The following GLT8D1 variants were observed in gnomAD, a reference collection of about 807,000 sequenced individuals.
GLT8D1 encodes glycosyltransferase 8 domain containing 1, also known as glycosyltransferase 8 domain-containing protein 1.
GLT8D1 carries 41 observed loss-of-function variants against 46.2 expected under a neutral mutation model. The ratio of observed to expected loss-of-function variants is 0.89; its 90% CI spans 0.69 to 1.15. GLT8D1 has a LOEUF of 1.15. Ranked by LOEUF, GLT8D1 falls within the 50% of genes most tolerant of loss-of-function variation. The pLI, the probability that GLT8D1 is intolerant of heterozygous loss-of-function variation, is 0.00. For synonymous variants in GLT8D1, 150 were observed against 154.2 expected (o/e 0.97, Z 0.20); for missense variants, 408 against 449.3 (o/e 0.91, Z 0.83).
intron 3 of GLT8D1, among the ~76,000 whole-genome samples, chr3:52,700,007 G>C (rs1168852428): frequency 1.3e-5 from 2 of 152,218 alleles, no homozygotes; most frequent in African/African-American, 4.8e-5. Context: ...CTAGTGACTA[G>C]AGCAGGCATC....
At chr3:52,702,552 A>C (rs1178822678) in intron 1 of GLT8D1, among the ~76,000 whole-genome samples, 5 of 152,000 alleles carry the variant, frequency 3.3e-5, no homozygotes, top group Non-Finnish European at 7.4e-5. Context: ...TCTCAAAAAA[A>C]TAAAAAATAA....
chr3:52,698,048 C>A, intron 3 of GLT8D1, 114 bp from the exon 4 acceptor site: 3 of 692,528 alleles, frequency 4.3e-6, no homozygotes, highest in Non-Finnish European at 7.8e-6. Context: ...TCATTCTCCC[C>A]CATTAAACTG....
In GLT8D1 at chr3:52,695,833, G is replaced by C. The variant is rs889152051; in HGVS notation, c.645+95C>G. On this transcript the variant is annotated intron_variant, in intron 7 of 9. Transcript: ENST00000266014. ...CTTGAGTTTTGGGATGAAATGATTG[G>C]GGAGTGTAAATTGCAGCAAAAGAGT... The C allele has an allele frequency of 4.1e-6, 3 of 735,968 alleles. No homozygotes were observed. In the African/African-American group the frequency reaches 5.2e-5, roughly 13 times the overall value. The allele number at this position is 735,968 out of a possible 1,614,324, so 45.6% of individuals were successfully genotyped here. A position where few individuals can be genotyped will look rare whatever the true frequency, so the allele number is the denominator to read the frequency against.
chr3:52,697,562 A>T, intron 4 of GLT8D1, 159 bp downstream of exon 4: 1 of 639,968 alleles, frequency 1.6e-6, no homozygotes, highest in Non-Finnish European at 2.8e-6. Context: ...TATGCTCATA[A>T]TACAGTCCTA....
Position 52,697,746 on chromosome 3 carries a change from G to C in GLT8D1, c.304C>G (p.Leu102Val), listed in dbSNP as rs778082400. The C allele has an allele frequency of 2.5e-6, 4 of 1,610,934 alleles. No homozygotes were observed. Among genetic ancestry groups the C allele is most frequent in the Non-Finnish European group, 2.5e-6 (3 of 1,177,056 alleles). ...CGGAGATGGTCTGCTGTATTGTTGA[G>C]AGTAACAATGTAGAAAATCACATTG... ...RSNVIFYIVTLNNTADHLRSW... is the reference protein window; with the variant it reads ...RSNVIFYIVTVNNTADHLRSW... Residue 102 changes from leucine to valine, a missense_variant, in exon 4 of 10, where the codon CTC (leucine) becomes GTC (valine). Physicochemically the swap from Leu to Val is conservative, Grantham distance 32. Transcript: ENST00000266014.
At chr3:52,705,022 G>A (rs1578597537) in intron 1 of GLT8D1, 1 of 152,254 alleles carries the variant, frequency 6.6e-6, no homozygotes, top group Admixed American at 6.5e-5. Flanking sequence ...ACCCTGTCCC[G>A]GGAGTGCCTA....
At chr3:52,696,481 AC>A in intron 5 of GLT8D1, 60 bp downstream of exon 5, 1 of 1,047,994 alleles carries the variant, frequency 9.5e-7, no homozygotes, top group Non-Finnish European at 1.5e-6. Context: ...ACCCACAGAT[AC>A]CCAGGTATTC....
In GLT8D1 at chr3:52,694,811, C is replaced by G. The variant is rs779390553; in HGVS notation, c.*34G>C. 2.7e-6 allele frequency: 4 copies of G among 1,471,696 alleles called. No homozygotes were observed. In the South Asian group the frequency reaches 3.4e-5, roughly 13 times the overall value. The allele number at this position is 1,471,696 out of a possible 1,614,324, so 91.2% of individuals were successfully genotyped here. A position where few individuals can be genotyped will look rare whatever the true frequency, so the allele number is the denominator to read the frequency against. Reference sequence around the variant, plus strand: ...CACGCATGCTATCTTCCAGGACTTCCTGAGAAATGCTTGCTTACAGTTCAA... The same window carrying G: ...CACGCATGCTATCTTCCAGGACTTCGTGAGAAATGCTTGCTTACAGTTCAA... On this transcript the variant is annotated 3_prime_UTR_variant, in exon 10 of 10. Transcript: ENST00000266014.
intron 3 of GLT8D1, among the ~76,000 whole-genome samples, chr3:52,699,615 A>G (rs2097337516): frequency 6.6e-6 from 1 of 152,206 alleles, no homozygotes; most frequent in South Asian, 2.1e-4. Context: ...TTGGGATTAC[A>G]GGCATGAGCC....
At chr3:52,703,825 A>C (rs1048793521) in intron 1 of GLT8D1, 2 of 152,248 alleles carry the variant, frequency 1.3e-5, no homozygotes, top group Non-Finnish European at 2.9e-5. Context: ...ATCATGGAGT[A>C]CGTCTAATCC....
intron 3 of GLT8D1, among the ~76,000 whole-genome samples, chr3:52,699,832 A>T (rs1286108691): frequency 1.3e-5 from 2 of 152,220 alleles, no homozygotes; most frequent in Non-Finnish European, 2.9e-5. Flanking sequence ...CTCAAGCCTC[A>T]AACATTTCTC....
At position 52,697,748 on chromosome 3, in the gene GLT8D1, G is replaced by T. The variant is rs2097335293; in HGVS notation, c.302C>A (p.Thr101Asn). Reference protein sequence around the residue: ...TRSNVIFYIVTLNNTADHLRS... With the variant: ...TRSNVIFYIVNLNNTADHLRS... ...GAGATGGTCTGCTGTATTGTTGAGA[G>T]TAACAATGTAGAAAATCACATTGGA... The change falls in exon 4 of 10, where the codon ACT (threonine) becomes AAT (asparagine). Residue 101 changes from threonine to asparagine, a missense_variant. Thr to Asn is a moderately conservative substitution (Grantham distance 65). Transcript: ENST00000266014. The T allele has an allele frequency of 6.2e-7, 1 of 1,611,660 alleles. No homozygotes were observed. The highest frequency in any genetic ancestry group is 1.7e-5 in the Admixed American group (1 of 59,990).
intron 4 of GLT8D1, 93 bp downstream of exon 4, chr3:52,697,628 C>T: frequency 1.2e-6 from 1 of 860,060 alleles, no homozygotes; most frequent in Non-Finnish European, 2.0e-6. Flanking sequence ...TTGTATAAAA[C>T]AACATACAAA....
intron 1 of GLT8D1, chr3:52,703,724 A>G (rs2097341296): frequency 1.3e-5 from 2 of 152,252 alleles, no homozygotes; most frequent in East Asian, 3.8e-4. Context: ...ACACAATTCT[A>G]TCAAGTATCT....
chr3:52,696,467 C>T (rs544681823), intron 5 of GLT8D1, 75 bp downstream of exon 5: 3 of 1,021,700 alleles, frequency 2.9e-6, no homozygotes, highest in African/African-American at 1.6e-5. Flanking sequence ...ACTACTTGCA[C>T]TATACCCACA....
At position 52,695,611 on chromosome 3, in the gene GLT8D1, G is replaced by GTACT. The variant is rs771132206; in HGVS notation, c.646-28_646-25dup. 6 of 1,392,666 alleles carry GTACT rather than the reference G, an allele frequency of 4.3e-6. No homozygotes were observed. The Admixed American group carries it at 8.8e-5, about 20-fold the overall frequency. The allele number at this position is 1,392,666 out of a possible 1,614,324, so 86.3% of individuals were successfully genotyped here. A position where few individuals can be genotyped will look rare whatever the true frequency, so the allele number is the denominator to read the frequency against. Reference sequence around the variant, plus strand: ...TACTAAAAACACAAATAGGATATATGTACTTACTGCTTCAAACAAAATAGA... The same window carrying GTACT: ...TACTAAAAACACAAATAGGATATATGTACTTACTTACTGCTTCAAACAAAATAGA... On this transcript the variant is annotated intron_variant, in intron 7 of 9. Coordinates refer to ENST00000266014, the MANE Select transcript of GLT8D1 (RefSeq NM_018446.4).
Position 52,705,697 on chromosome 3 carries a change from A to T in GLT8D1, c.-287T>A. ...GTTCCCTGCACGCTGGGCCGAGCACACTTGCCCTCTAGCTCCGTGGCAGCC... is the reference window on the plus strand; with the variant it reads ...GTTCCCTGCACGCTGGGCCGAGCACTCTTGCCCTCTAGCTCCGTGGCAGCC... On this transcript the variant is annotated 5_prime_UTR_variant, in exon 1 of 10. Transcript: ENST00000266014. 2.4e-6 allele frequency: 1 copy of T among 419,268 alleles called. No homozygotes were observed. Among genetic ancestry groups the T allele is most frequent in the Non-Finnish European group, 3.5e-6 (1 of 286,156 alleles). 26.0% of individuals were successfully genotyped at this position (419,268 alleles called of 1,614,324 possible). A position where few individuals can be genotyped will look rare whatever the true frequency, so the allele number is the denominator to read the frequency against.
intron 1 of GLT8D1, among the ~76,000 whole-genome samples, chr3:52,701,518 G>GCCA (rs1561268237): frequency 1.3e-5 from 2 of 152,118 alleles, no homozygotes; most frequent in African/African-American, 4.8e-5. Flanking sequence ...ACAGGTGTGC[G>GCCA]CCACCACGCC....
chr3:52,697,521 G>A, intron 4 of GLT8D1, 200 bp downstream of exon 4: 1 of 575,224 alleles, frequency 1.7e-6, no homozygotes. Flanking sequence ...CCTGGCATGA[G>A]CTCCTTGTAT....
Sources: gnomAD v4.1 joint callset for allele counts (sites outside exome capture counted in the v4.1 genomes callset) on GRCh38, gnomAD v4.1.1 for gene constraint, MANE v1.5 for transcripts, NCBI Gene and HGNC (gene_info 2026-07-23, HGNC 2026-07-21) for gene names.